Variants in MAGI3 observed in about 807,000 individuals in gnomAD.
MAGI3 encodes membrane-associated guanylate kinase, WW and PDZ domain-containing protein 3.
Under a neutral mutation model 121.8 loss-of-function variants are expected in MAGI3, and 43 were observed. The ratio of observed to expected loss-of-function variants is 0.35; its 90% CI spans 0.28 to 0.46. The LOEUF is 0.46. Ranked by LOEUF, MAGI3 falls within the 20% of genes least tolerant of loss-of-function variation. The pLI, the probability that MAGI3 is intolerant of heterozygous loss-of-function variation, is 1.00. For synonymous variants in MAGI3, 553 were observed against 639.3 expected (o/e 0.86, Z 2.04); for missense variants, 1,547 against 1,797.3 (o/e 0.86, Z 2.52).
chr1:113,417,311 C>T (rs960999473), intron 1 of MAGI3, among the ~76,000 whole-genome samples: 1 of 152,054 alleles, frequency 6.6e-6, no homozygotes, highest in African/African-American at 2.4e-5. Flanking sequence ...TGTATTTCAA[C>T]GAAATAAAAG....
At chr1:113,553,047 C>CA (rs1659847085) in intron 2 of MAGI3, among the ~76,000 whole-genome samples, 1 of 151,926 alleles carries the variant, frequency 6.6e-6, no homozygotes, top group Admixed American at 6.6e-5. Context: ...ATACTTACTC[C>CA]AAAAATCTGA....
rs1306395201 is a variant in MAGI3, at chr1:113,681,255, C to G, written c.3247C>G (p.Arg1083Gly). ...GEPTQGITHT[R>G]AIELIQAGGN... ...ACCTACACAAGGAATCACACATACTCGAGCAATTGAGCTCATTCAGGCTGG... is the reference window on the plus strand; with the variant it reads ...ACCTACACAAGGAATCACACATACTGGAGCAATTGAGCTCATTCAGGCTGG... Residue 1083 changes from arginine to glycine, a missense_variant, in exon 20 of 21, where the codon CGA becomes GGA. Physicochemically the swap from Arg to Gly is moderately radical, Grantham distance 125 (BLOSUM62 -2). Transcript: ENST00000307546. 1 of 1,614,062 alleles carries G rather than the reference C, an allele frequency of 6.2e-7. No individual in the cohort carries two copies. The highest frequency in any genetic ancestry group is 8.5e-7 in the Non-Finnish European group (1 of 1,179,982).
intron 6 of MAGI3, among the ~76,000 whole-genome samples, chr1:113,598,893 A>G (rs945364701): frequency 2.6e-5 from 4 of 152,178 alleles, no homozygotes; most frequent in Admixed American, 2.0e-4. Context: ...AGCACATGGA[A>G]CCTTCTGCAA....
intron 1 of MAGI3, among the ~76,000 whole-genome samples, chr1:113,488,298 G>C (rs1270609934): frequency 6.6e-6 from 1 of 152,224 alleles, no homozygotes; most frequent in African/African-American, 2.4e-5. Flanking sequence ...GCCAGGGACA[G>C]CCATCCCCAT....
At chr1:113,425,225 G>A (rs990552712) in intron 1 of MAGI3, among the ~76,000 whole-genome samples, 5 of 151,124 alleles carry the variant, frequency 3.3e-5, no homozygotes, top group African/African-American at 1.2e-4. Context: ...AGTGAAATAG[G>A]CTAGGCCTGG....
In MAGI3 at chr1:113,549,563, A is replaced by T. The variant is rs760802808; in HGVS notation, c.365A>T (p.Gln122Leu). 1 of 1,610,604 alleles carries T rather than the reference A, an allele frequency of 6.2e-7. No individual in the cohort carries two copies. Among genetic ancestry groups the T allele is most frequent in the South Asian group, 1.1e-5 (1 of 90,290 alleles). Reference sequence around the variant, plus strand: ...CGGCATTACCTAAGTCTTCAGTTTCAAAAAGGATCAATTGACCACAAACTG... The same window carrying T: ...CGGCATTACCTAAGTCTTCAGTTTCTAAAAGGATCAATTGACCACAAACTG... ...DLRHYLSLQFQKGSIDHKLQQ... is the reference protein window; with the variant it reads ...DLRHYLSLQFLKGSIDHKLQQ... Residue 122 changes from glutamine to leucine, a missense_variant, in exon 2 of 21, where the codon CAA becomes CTA. Physicochemically the swap from Gln to Leu is moderately radical, Grantham distance 113. Coordinates refer to ENST00000307546, the MANE Select transcript of MAGI3 (RefSeq NM_001142782.2).
At chr1:113,438,730 T>C (rs1368328586) in intron 1 of MAGI3, among the ~76,000 whole-genome samples, 1 of 152,226 alleles carries the variant, frequency 6.6e-6, no homozygotes, top group Non-Finnish European at 1.5e-5. Flanking sequence ...AATTCACTTG[T>C]TACTCATCAC....
At chr1:113,563,393 T>C (rs1217827775) in intron 2 of MAGI3, among the ~76,000 whole-genome samples, 2 of 152,336 alleles carry the variant, frequency 1.3e-5, no homozygotes, top group East Asian at 3.9e-4. Context: ...AAGCTTTCAA[T>C]AGCGAGCACA....
rs867363755 is a variant in MAGI3, at chr1:113,601,051, C to G, written c.1018+6491C>G. Among the ~76,000 whole-genome samples the G allele has an allele frequency of 2.0e-5, 3 of 152,108 alleles. No homozygotes were observed. In the East Asian group the frequency reaches 5.8e-4, roughly 29 times the overall value. On this transcript the variant is annotated intron_variant, in intron 6 of 20. Coordinates refer to ENST00000307546, the MANE Select transcript of MAGI3 (RefSeq NM_001142782.2). Reference sequence around the variant, plus strand: ...GCTGAAACTGGATCCCTTCCTTACACCTTATACAAAAATTAATTCAAGATG... The same window carrying G: ...GCTGAAACTGGATCCCTTCCTTACAGCTTATACAAAAATTAATTCAAGATG...
At chr1:113,525,617 TTTAA>T (rs776384273) in intron 1 of MAGI3, among the ~76,000 whole-genome samples, 10 of 152,030 alleles carry the variant, frequency 6.6e-5, no homozygotes, top group East Asian at 1.9e-4. Context: ...CATTTTATTA[TTTAA>T]TTATTTAATA....
intron 1 of MAGI3, among the ~76,000 whole-genome samples, chr1:113,436,734 C>T (rs536229744): frequency 1.3e-5 from 2 of 151,398 alleles, no homozygotes; most frequent in African/African-American, 4.8e-5. Flanking sequence ...ATTGTAGCTG[C>T]ACAACTTATA....
chr1:113,649,349 A>G lies in MAGI3; in HGVS notation c.2247+21A>G, dbSNP rs750587605. ...AGTCTGTAAGTGTCACTTCTTTGGA[A>G]CATGGCTGTTTCCTGTTCAAACGTT... On this transcript the variant is annotated intron_variant, in intron 13 of 20. Coordinates refer to ENST00000307546, the MANE Select transcript of MAGI3 (RefSeq NM_001142782.2). 5 of 1,554,486 alleles carry G rather than the reference A, an allele frequency of 3.2e-6. No homozygotes were observed. The South Asian group carries it at 5.9e-5, about 18-fold the overall frequency.
At chr1:113,417,305 T>C (rs1652507217) in intron 1 of MAGI3, among the ~76,000 whole-genome samples, 1 of 152,174 alleles carries the variant, frequency 6.6e-6, no homozygotes, top group South Asian at 2.1e-4. Flanking sequence ...TTATAATGTA[T>C]TTCAACGAAA....
rs1657189439 is a variant in MAGI3, at chr1:113,504,085, T to G, written c.317-45430T>G. On this transcript the variant is annotated intron_variant, in intron 1 of 20. Transcript: ENST00000307546. ...ACCAGATGTTAGAAAGGAGATTTCT[T>G]AACAAAATACGGTTAAAGAGGATTT... Among the ~76,000 whole-genome samples the G allele has an allele frequency of 2.0e-5, 3 of 152,154 alleles. No individual in the cohort carries two copies. In the East Asian group the frequency reaches 5.8e-4, roughly 29 times the overall value.
intron 2 of MAGI3, among the ~76,000 whole-genome samples, chr1:113,574,347 A>T (rs1647492448): frequency 6.6e-6 from 1 of 152,012 alleles, no homozygotes; most frequent in African/African-American, 2.4e-5. Context: ...TTTCCTTTCC[A>T]TATTTAATGC....
At chr1:113,660,135 G>GATAAATAAATCATT (rs1467635658) in intron 16 of MAGI3, among the ~76,000 whole-genome samples, 1 of 151,902 alleles carries the variant, frequency 6.6e-6, no homozygotes, top group African/African-American at 2.4e-5. Flanking sequence ...TATTTCTAAG[G>GATAAATAAATCATT]TATTACATAA....
At chr1:113,664,221 G>C (rs1653922648) in intron 16 of MAGI3, among the ~76,000 whole-genome samples, 1 of 152,144 alleles carries the variant, frequency 6.6e-6, no homozygotes, top group African/African-American at 2.4e-5. Context: ...ATTTACAGGG[G>C]CGGTGCTTGT....
At chr1:113,532,858 TA>T (rs754104585) in intron 1 of MAGI3, among the ~76,000 whole-genome samples, 99 of 152,326 alleles carry the variant, frequency 6.5e-4, no homozygotes, top group Non-Finnish European at 8.7e-4. Context: ...TGTATGTTAT[TA>T]AAGAGCTACA....
At chr1:113,531,886 T>C (rs1027816519) in intron 1 of MAGI3, among the ~76,000 whole-genome samples, 30 of 152,174 alleles carry the variant, frequency 2.0e-4, no homozygotes, top group African/African-American at 4.8e-5. Context: ...TAGGAAACTG[T>C]TGAAGTAGAG....
Sources: gnomAD v4.1 joint callset for allele counts (sites outside exome capture counted in the v4.1 genomes callset) on GRCh38, gnomAD v4.1.1 for gene constraint, MANE v1.5 for transcripts, NCBI Gene and HGNC (gene_info 2026-07-23, HGNC 2026-07-21) for gene names.